CADPS2: variants seen among roughly 807,000 people sequenced by gnomAD.
CADPS2 encodes the protein calcium-dependent secretion activator 2.
In CADPS2, 93 loss-of-function variants were observed where a neutral mutation model predicts 172.5. That is an observed-to-expected ratio of 0.54 (90% confidence interval 0.46 to 0.64). The LOEUF is 0.64. Among genes scored for constraint, CADPS2 ranks in the 30% least tolerant of loss-of-function variants. The pLI, the probability that CADPS2 is intolerant of heterozygous loss-of-function variation, is 0.00. For missense variants in CADPS2, 1,420 were observed against 1,565.9 expected, an observed-to-expected ratio of 0.91 and a Z score of 1.57; for synonymous variants, 546 against 555.2, an observed-to-expected ratio of 0.98 and a Z score of 0.23.
intron 9 of CADPS2, among the ~76,000 whole-genome samples, chr7:122,497,900 A>G (rs920877991): frequency 3.9e-5 from 6 of 152,188 alleles, no homozygotes; most frequent in African/African-American, 7.2e-5. Context: ...TTCCATTGTC[A>G]GAAGGCTTAT....
intron 6 of CADPS2, among the ~76,000 whole-genome samples, chr7:122,598,901 C>G (rs914564008): frequency 1.3e-5 from 2 of 152,028 alleles, no homozygotes; most frequent in Non-Finnish European, 2.9e-5. Flanking sequence ...AGAGAGACAA[C>G]TAGAGCAAAC....
chr7:122,672,241 T>C (rs961702366), intron 2 of CADPS2, among the ~76,000 whole-genome samples: 22 of 152,228 alleles, frequency 1.4e-4, no homozygotes, highest in African/African-American at 5.1e-4. Flanking sequence ...ATAACAACAG[T>C]TATCAAGTTA....
At chr7:122,748,407 T>C (rs1219179112) in intron 1 of CADPS2, among the ~76,000 whole-genome samples, 1 of 152,078 alleles carries the variant, frequency 6.6e-6, no homozygotes, top group Non-Finnish European at 1.5e-5. Flanking sequence ...CAGATCCATA[T>C]GCTGAAGCCA....
intron 6 of CADPS2, among the ~76,000 whole-genome samples, chr7:122,592,400 CT>C (rs2070977794): frequency 6.6e-6 from 1 of 152,136 alleles, no homozygotes; most frequent in Non-Finnish European, 1.5e-5. Flanking sequence ...GGACTGTAAA[CT>C]AGTTCAACCA....
chr7:122,476,375 AT>A (rs1448646508), intron 12 of CADPS2, among the ~76,000 whole-genome samples: 3 of 152,118 alleles, frequency 2.0e-5, no homozygotes, highest in African/African-American at 7.2e-5. Context: ...AAGTAAAAAA[AT>A]CTTTCTTTTA....
intron 14 of CADPS2, among the ~76,000 whole-genome samples, chr7:122,469,591 CA>C (rs2152140635): frequency 6.6e-6 from 1 of 152,242 alleles, no homozygotes; most frequent in East Asian, 1.9e-4. Context: ...CTCCTAATTT[CA>C]AATCAAGGCT....
chr7:122,657,759 G>A (rs2079988655), intron 3 of CADPS2, among the ~76,000 whole-genome samples: 1 of 152,076 alleles, frequency 6.6e-6, no homozygotes, highest in African/African-American at 2.4e-5. Context: ...CTGCAAACAG[G>A]GACAATTTGA....
intron 4 of CADPS2, among the ~76,000 whole-genome samples, chr7:122,622,951 C>T (rs2075745827): frequency 6.6e-6 from 1 of 152,210 alleles, no homozygotes; most frequent in Admixed American, 6.5e-5. Context: ...TCTGGCACCA[C>T]TTCACAGATC....
At chr7:122,399,179 C>T (rs116041457) in intron 20 of CADPS2, among the ~76,000 whole-genome samples, 2,171 of 152,190 alleles carry the variant, frequency 0.014, 50 homozygotes, top group African/African-American at 0.049. Flanking sequence ...TTTTGGGCAA[C>T]ACATCCAAAT....
chr7:122,708,186 G>C (rs2087909423), intron 2 of CADPS2, among the ~76,000 whole-genome samples: 1 of 151,540 alleles, frequency 6.6e-6, no homozygotes, highest in South Asian at 2.1e-4. Flanking sequence ...TGAAGGACAG[G>C]ATTAAATCTT....
intron 9 of CADPS2, among the ~76,000 whole-genome samples, chr7:122,496,997 T>C (rs1459580068): frequency 2.0e-5 from 3 of 152,160 alleles, no homozygotes; most frequent in Non-Finnish European, 4.4e-5. Context: ...ATCTCATATA[T>C]ATACCTGGGA....
intron 7 of CADPS2, among the ~76,000 whole-genome samples, chr7:122,557,157 C>A (rs897924265): frequency 6.6e-6 from 1 of 152,110 alleles, no homozygotes; most frequent in Non-Finnish European, 1.5e-5. Flanking sequence ...AAATGCTGAA[C>A]TTAAACTTCA....
intron 7 of CADPS2, among the ~76,000 whole-genome samples, chr7:122,573,513 G>A (rs553864018): frequency 6.6e-6 from 1 of 152,098 alleles, no homozygotes; most frequent in East Asian, 1.9e-4. Flanking sequence ...GGGCAACAGA[G>A]TGAGACCGTC....
chr7:122,696,943 CATAATA>C (rs1365428073), intron 2 of CADPS2, among the ~76,000 whole-genome samples: 2 of 151,944 alleles, frequency 1.3e-5, no homozygotes, highest in African/African-American at 4.8e-5. Context: ...ATGACCATAT[CATAATA>C]ATAATAATTT....
intron 2 of CADPS2, among the ~76,000 whole-genome samples, chr7:122,723,786 C>T (rs918320390): frequency 1.3e-5 from 2 of 152,232 alleles, no homozygotes; most frequent in African/African-American, 4.8e-5. Flanking sequence ...CACAAATGTC[C>T]ATCAATGATA....
intron 19 of CADPS2, 26 bp downstream of exon 19, chr7:122,414,042 A>G: frequency 1.3e-6 from 2 of 1,553,140 alleles, no homozygotes; most frequent in Non-Finnish European, 1.7e-6. Context: ...CTATGCTAAT[A>G]AAATAGTGGA....
intron 15 of CADPS2, among the ~76,000 whole-genome samples, chr7:122,448,493 TAAGAG>T (rs2052602378): frequency 6.6e-6 from 1 of 152,132 alleles, no homozygotes; most frequent in African/African-American, 2.4e-5. Context: ...GATGTGCGTA[TAAGAG>T]AAATAGAGAA....
intron 1 of CADPS2, among the ~76,000 whole-genome samples, chr7:122,852,299 A>G (rs1291582818): frequency 4.6e-5 from 7 of 152,236 alleles, no homozygotes; most frequent in Non-Finnish European, 8.8e-5. Flanking sequence ...TCATTCAACT[A>G]CAACATGTGC....
At chr7:122,468,594 T>C (rs918045205) in intron 14 of CADPS2, among the ~76,000 whole-genome samples, 1 of 152,202 alleles carries the variant, frequency 6.6e-6, no homozygotes, top group Admixed American at 6.5e-5. Flanking sequence ...TCAATACTGA[T>C]AGTATTTTAT....
Sources: allele counts gnomAD v4.1 joint callset (sites outside exome capture counted in the v4.1 genomes callset), GRCh38; gene constraint gnomAD v4.1.1; transcripts MANE v1.5; gene names NCBI Gene and HGNC (gene_info 2026-07-23, HGNC 2026-07-21).